The following DYM variants were observed in gnomAD, a reference collection of about 807,000 sequenced individuals.
DYM encodes dyggve-Melchior-Clausen syndrome protein.
In DYM, 78 loss-of-function variants were observed where a neutral mutation model predicts 93.1. The observed-to-expected ratio is 0.84, with a 90% CI of 0.70 to 1.01. The LOEUF (loss-of-function observed/expected upper bound fraction) is 1.01. DYM is among the 50% of genes least tolerant of loss of function. The pLI is 0.00. For missense variants in DYM, 789 were observed against 845.0 expected (o/e 0.93, Z 0.82); for synonymous variants, 321 against 319.7 (o/e 1.00, Z -0.04).
chr18:49,347,870 T>C (rs1354011898), intron 6 of DYM, among the ~76,000 whole-genome samples: 2 of 152,256 alleles, frequency 1.3e-5, no homozygotes, highest in Non-Finnish European at 2.9e-5. Context: ...CTTGTTTTAA[T>C]GTCAGAAGAT....
chr18:49,228,991 G>A (rs891711425), intron 13 of DYM, among the ~76,000 whole-genome samples: 1 of 151,942 alleles, frequency 6.6e-6, no homozygotes, highest in Admixed American at 6.6e-5. Context: ...TAATTTTTAA[G>A]AAAATTAACC....
chr18:49,074,612 A>G (rs768028305), intron 17 of DYM, among the ~76,000 whole-genome samples: 118 of 152,204 alleles, frequency 7.8e-4, no homozygotes, highest in Non-Finnish European at 1.6e-3. Context: ...ACTAGGGCTC[A>G]TTACCTGTGG....
chr18:49,391,361 C>T (rs2069235995), intron 3 of DYM: 1 of 502,866 alleles, frequency 2.0e-6, no homozygotes, highest in Admixed American at 3.2e-5. Flanking sequence ...GAAAGAGTGT[C>T]TATGGCTTAG....
chr18:49,361,168 T>C (rs1255373793), intron 6 of DYM, among the ~76,000 whole-genome samples: 2 of 152,196 alleles, frequency 1.3e-5, no homozygotes, highest in African/African-American at 4.8e-5. Context: ...CATGCAAGTG[T>C]CTGCTGCAGG....
At chr18:49,182,178 T>A (rs118187040) in intron 14 of DYM, among the ~76,000 whole-genome samples, 3 of 152,198 alleles carry the variant, frequency 2.0e-5, no homozygotes, top group African/African-American at 7.2e-5. Context: ...ATGACTTGAA[T>A]CTTATAACCT....
chr18:49,258,879 G>C (rs973630472), intron 11 of DYM, among the ~76,000 whole-genome samples: 5 of 116,140 alleles, frequency 4.3e-5, no homozygotes, highest in African/African-American at 1.7e-4. Flanking sequence ...GAGAGAGAGA[G>C]AGAGAGATAG....
rs1038723317 is a variant in DYM at position 49,228,267 on chromosome 18, A to G, written c.1461-18552T>C. Among the ~76,000 whole-genome samples, 8 of 152,150 alleles carry G rather than the reference A, an allele frequency of 5.3e-5. No homozygotes were observed. The East Asian group carries it at 9.6e-4, about 18-fold the overall frequency. ...TTCTATGCATCATCATTACCTTTAT[A>G]TTAGACTGACAAGCACAATTTAGGC... On this transcript the variant is annotated intron_variant, in intron 13 of 17. Coordinates refer to ENST00000675505, the MANE Select transcript of DYM (RefSeq NM_001353214.3).
chr18:49,121,628 T>C (rs1157170717), intron 15 of DYM, among the ~76,000 whole-genome samples: 1 of 152,074 alleles, frequency 6.6e-6, no homozygotes, highest in South Asian at 2.1e-4. Context: ...ATTCAAATTA[T>C]TAAAGACCAA....
chr18:49,062,531 C>T (rs1599447599), intron 17 of DYM, among the ~76,000 whole-genome samples: 1 of 152,206 alleles, frequency 6.6e-6, no homozygotes, highest in Non-Finnish European at 1.5e-5. Context: ...AACCACGAGC[C>T]CTTAAGATTC....
intron 15 of DYM, among the ~76,000 whole-genome samples, chr18:49,147,325 C>T (rs1402556477): frequency 1.3e-5 from 2 of 151,318 alleles, no homozygotes; most frequent in Admixed American, 1.3e-4. Flanking sequence ...GCAATGGCAA[C>T]AAAAGCCAAA....
chr18:49,339,922 T>G (rs2063968146), intron 6 of DYM, among the ~76,000 whole-genome samples: 1 of 151,954 alleles, frequency 6.6e-6, no homozygotes, highest in Admixed American at 6.5e-5. Context: ...GAGCAGGTTT[T>G]GGGTTTTTTT....
At chr18:49,348,047 C>T (rs1337683944) in intron 6 of DYM, among the ~76,000 whole-genome samples, 1 of 152,206 alleles carries the variant, frequency 6.6e-6, no homozygotes, top group African/African-American at 2.4e-5. Context: ...AGACAGGCGC[C>T]ATGACCCTGC....
At chr18:49,115,428 A>C (rs552771681) in intron 16 of DYM, among the ~76,000 whole-genome samples, 1 of 152,360 alleles carries the variant, frequency 6.6e-6, no homozygotes, top group East Asian at 1.9e-4. Flanking sequence ...GCAGGTGTAT[A>C]TTAGCAGACA....
chr18:49,416,062 G>C (rs939937150), intron 2 of DYM, among the ~76,000 whole-genome samples: 1 of 152,070 alleles, frequency 6.6e-6, no homozygotes, highest in African/African-American at 2.4e-5. Context: ...AAGATAAAGC[G>C]GTCATCAGAA....
intron 2 of DYM, among the ~76,000 whole-genome samples, chr18:49,400,225 GCCATAGCAC>G (rs1474483802): frequency 6.6e-6 from 1 of 152,060 alleles, no homozygotes; most frequent in Non-Finnish European, 1.5e-5. Context: ...ACAGGTGTGA[GCCATAGCAC>G]CCAGACTAAA....
At chr18:49,251,437 G>T (rs1363073060) in intron 13 of DYM, among the ~76,000 whole-genome samples, 1 of 152,174 alleles carries the variant, frequency 6.6e-6, no homozygotes, top group African/African-American at 2.4e-5. Context: ...GAACTGGCTT[G>T]GCAATTTAGG....
chr18:49,138,308 A>G (rs1000750365), intron 15 of DYM, among the ~76,000 whole-genome samples: 7 of 152,250 alleles, frequency 4.6e-5, no homozygotes, highest in Non-Finnish European at 7.3e-5. Context: ...GCTGAACAAC[A>G]AGAATAAGAA....
intron 2 of DYM, among the ~76,000 whole-genome samples, chr18:49,397,909 C>T (rs1421793676): frequency 6.6e-6 from 1 of 152,068 alleles, no homozygotes; most frequent in Non-Finnish European, 1.5e-5. Flanking sequence ...TTTACTTTTT[C>T]AATGTGGCTA....
chr18:49,149,702 GTTTTTTTTTT>G (rs35259913), intron 15 of DYM, among the ~76,000 whole-genome samples: 8 of 76,844 alleles, frequency 1.0e-4, no homozygotes, highest in Admixed American at 1.8e-4. Context: ...ATTACAAAGT[GTTTTTTTTTT>G]TTTTTTTTTT....
Sources: gnomAD v4.1 joint callset for allele counts (sites outside exome capture counted in the v4.1 genomes callset) on GRCh38, gnomAD v4.1.1 for gene constraint, MANE v1.5 for transcripts, NCBI Gene and HGNC (gene_info 2026-07-23, HGNC 2026-07-21) for gene names.